The following ATP8A2 variants were observed in gnomAD, a reference collection of about 807,000 sequenced individuals.
ATP8A2 encodes the protein phospholipid-transporting ATPase IB.
ATP8A2 carries 100 observed loss-of-function variants against 165.6 expected under a neutral mutation model. The ratio of observed to expected loss-of-function variants is 0.60; its 90% confidence interval spans 0.51 to 0.71. The LOEUF (loss-of-function observed/expected upper bound fraction) is 0.71, where lower values mean the gene tolerates loss of function less well. Among genes scored for constraint, ATP8A2 ranks in the 30% least tolerant of loss-of-function variants. ATP8A2 has a pLI of 0.00. For synonymous variants in ATP8A2, 543 were observed against 548.8 expected (o/e 0.99, Z 0.15); for missense variants, 1,227 against 1,479.5 (o/e 0.83, Z 2.80).
In ATP8A2 at chr13:26,023,404, G is replaced by A. The variant is rs1393473429; in HGVS notation, c.*3419G>A. 1 of 152,106 alleles carries A rather than the reference G, an allele frequency of 6.6e-6. No homozygotes were observed. The highest frequency in any genetic ancestry group is 1.5e-5 in the Non-Finnish European group (1 of 68,040). 9.4% of individuals were successfully genotyped at this position (152,106 alleles called of 1,614,324 possible). ...ATTCTGTTGACATTTTCTTTCCCTTGACAAGGCTTCAGGTTCGTCTCACTA... is the reference window on the plus strand; with the variant it reads ...ATTCTGTTGACATTTTCTTTCCCTTAACAAGGCTTCAGGTTCGTCTCACTA... On this transcript the variant is annotated 3_prime_UTR_variant, in exon 37 of 37. Coordinates refer to ENST00000381655, the MANE Select transcript of ATP8A2 (RefSeq NM_016529.6).
chr13:25,951,872 G>A (rs1225776705), intron 33 of ATP8A2, among the ~76,000 whole-genome samples: 1 of 152,184 alleles, frequency 6.6e-6, no homozygotes, highest in African/African-American at 2.4e-5. Context: ...CACTAAATTT[G>A]TAGGAATGAT....
chr13:25,503,894 A>G (rs1333549802), intron 2 of ATP8A2, among the ~76,000 whole-genome samples: 5 of 152,350 alleles, frequency 3.3e-5, no homozygotes, highest in South Asian at 2.1e-4. Context: ...GCTCAGAGCC[A>G]AACAAGGTAT....
At chr13:25,380,889 T>TA (rs1474845910) in intron 1 of ATP8A2, among the ~76,000 whole-genome samples, 1 of 152,042 alleles carries the variant, frequency 6.6e-6, no homozygotes, top group Admixed American at 6.6e-5. Flanking sequence ...CCCCAAGTAT[T>TA]AAAAAAAATT....
intron 34 of ATP8A2, among the ~76,000 whole-genome samples, chr13:25,964,903 T>C (rs1280450893): frequency 6.6e-6 from 1 of 152,202 alleles, no homozygotes; most frequent in East Asian, 1.9e-4. Context: ...CTCACACCTG[T>C]AATCCCAGCA....
chr13:25,429,706 C>A (rs1399433058), intron 1 of ATP8A2, among the ~76,000 whole-genome samples: 1 of 152,186 alleles, frequency 6.6e-6, no homozygotes, highest in Non-Finnish European at 1.5e-5. Context: ...TTTGAGGGGG[C>A]AGGAGGTGTC....
chr13:25,537,161 G>A (rs182559596), intron 6 of ATP8A2, among the ~76,000 whole-genome samples: 3 of 152,184 alleles, frequency 2.0e-5, no homozygotes, highest in African/African-American at 7.2e-5. Context: ...GTCTAGTGGA[G>A]TCTGTTCCCC....
intron 33 of ATP8A2, among the ~76,000 whole-genome samples, chr13:25,875,751 T>C (rs2138828513): frequency 6.6e-6 from 1 of 152,366 alleles, no homozygotes; most frequent in Middle Eastern, 3.4e-3. Context: ...TCATTGATAT[T>C]GGCGTTTGGA....
intron 2 of ATP8A2, among the ~76,000 whole-genome samples, chr13:25,494,824 C>T (rs2036626474): frequency 1.3e-5 from 2 of 152,070 alleles, no homozygotes; most frequent in African/African-American, 2.4e-5. Flanking sequence ...GTAATGATTT[C>T]TTTTTTCACA....
chr13:25,882,916 GAT>G (rs1953024551), intron 33 of ATP8A2, among the ~76,000 whole-genome samples: 1 of 151,608 alleles, frequency 6.6e-6, no homozygotes, highest in East Asian at 1.9e-4. Flanking sequence ...TGATGATGAT[GAT>G]GATGATGATG....
chr13:25,641,216 A>C (rs2041511828), intron 24 of ATP8A2, among the ~76,000 whole-genome samples: 1 of 152,194 alleles, frequency 6.6e-6, no homozygotes, highest in Admixed American at 6.5e-5. Context: ...GCCCTCTCTC[A>C]CCACTCCTAT....
chr13:25,538,936 G>A (rs1235229077), intron 7 of ATP8A2, among the ~76,000 whole-genome samples: 1 of 152,080 alleles, frequency 6.6e-6, no homozygotes, highest in Non-Finnish European at 1.5e-5. Flanking sequence ...CAATAACACA[G>A]GGCAGGATTT....
chr13:25,703,336 C>G (rs2042989637), intron 25 of ATP8A2, among the ~76,000 whole-genome samples: 1 of 152,090 alleles, frequency 6.6e-6, no homozygotes, highest in Non-Finnish European at 1.5e-5. Context: ...CCTCGGCCTC[C>G]CAAAGTGATG....
chr13:25,969,140 G>A (rs940409154), intron 35 of ATP8A2, among the ~76,000 whole-genome samples: 1 of 152,134 alleles, frequency 6.6e-6, no homozygotes. Flanking sequence ...TCTAAATGGG[G>A]GAGTAGTTTT....
At chr13:25,886,585 G>A (rs1288674929) in intron 33 of ATP8A2, among the ~76,000 whole-genome samples, 3 of 152,244 alleles carry the variant, frequency 2.0e-5, no homozygotes, top group Non-Finnish European at 4.4e-5. Flanking sequence ...CTCCATGTGC[G>A]CTGGATGCCG....
intron 2 of ATP8A2, among the ~76,000 whole-genome samples, chr13:25,527,656 G>A (rs1183289138): frequency 1.3e-5 from 2 of 152,108 alleles, no homozygotes; most frequent in South Asian, 2.1e-4. Context: ...TCTAGTTCTA[G>A]TAGAGTAAAA....
chr13:25,892,598 T>TCC (rs1049155448), intron 33 of ATP8A2, among the ~76,000 whole-genome samples: 1 of 151,574 alleles, frequency 6.6e-6, no homozygotes, highest in African/African-American at 2.4e-5. Context: ...TCTCTCTCTC[T>TCC]CTCCCTCCTC....
At chr13:25,659,922 C>T (rs2042013864) in intron 24 of ATP8A2, among the ~76,000 whole-genome samples, 1 of 152,180 alleles carries the variant, frequency 6.6e-6, no homozygotes, top group Admixed American at 6.5e-5. Context: ...AATTAAATTA[C>T]TAAGAGCCAA....
chr13:25,730,485 G>A (rs1222621803), intron 25 of ATP8A2, among the ~76,000 whole-genome samples: 1 of 152,136 alleles, frequency 6.6e-6, no homozygotes, highest in Non-Finnish European at 1.5e-5. Flanking sequence ...TAATAAATAT[G>A]TGAACTAGAG....
At chr13:25,758,712 G>A (rs2044316446) in intron 25 of ATP8A2, among the ~76,000 whole-genome samples, 1 of 152,064 alleles carries the variant, frequency 6.6e-6, no homozygotes, top group Admixed American at 6.6e-5. Context: ...CATTCACCAG[G>A]ACATTAGCAG....
Sources: allele counts gnomAD v4.1 joint callset (sites outside exome capture counted in the v4.1 genomes callset), GRCh38; gene constraint gnomAD v4.1.1; transcripts MANE v1.5; gene names NCBI Gene and HGNC (gene_info 2026-07-23, HGNC 2026-07-21).